CACNA1A: variants seen among roughly 807,000 people sequenced by gnomAD.
The protein encoded by CACNA1A is calcium voltage-gated channel subunit alpha1 A, also known as voltage-dependent P/Q-type calcium channel subunit alpha-1A.
Under a neutral mutation model 262.4 loss-of-function variants are expected in CACNA1A, and 57 were observed. That is an observed-to-expected ratio of 0.22 (90% confidence interval 0.18 to 0.27). CACNA1A has a LOEUF of 0.27. CACNA1A is among the 10% of genes least tolerant of loss of function. The pLI, the probability that CACNA1A is intolerant of heterozygous loss-of-function variation, is 1.00. For missense variants in CACNA1A, 2,526 were observed against 3,562.8 expected (o/e 0.71, Z 7.41); for synonymous variants, 1,431 against 1,419.3 (o/e 1.01, Z -0.18).
chr19:13,317,081 G>A (rs776130733), intron 11 of CACNA1A, 31 bp downstream of exon 11: 7 of 1,464,372 alleles, frequency 4.8e-6, no homozygotes, highest in South Asian at 3.5e-5. Context: ...GGATCAGGGA[G>A]TTGGCAGGGG....
At chr19:13,380,661 A>AT (rs1465929941) in intron 3 of CACNA1A, among the ~76,000 whole-genome samples, 1 of 151,042 alleles carries the variant, frequency 6.6e-6, no homozygotes, top group Non-Finnish European at 1.5e-5. Flanking sequence ...AAAAAAAAAA[A>AT]AAAAAAAAAA....
chr19:13,452,798 T>C, intron 3 of CACNA1A, 78 bp downstream of exon 3: 3 of 1,412,016 alleles, frequency 2.1e-6, no homozygotes, highest in Non-Finnish European at 2.9e-6. Flanking sequence ...TTCCTGAGCC[T>C]GGCCCGGACC....
chr19:13,380,315 C>T (rs1390591174), intron 3 of CACNA1A, among the ~76,000 whole-genome samples: 5 of 126,530 alleles, frequency 4.0e-5, no homozygotes, highest in Non-Finnish European at 8.3e-5. Flanking sequence ...AGTGTTTAGA[C>T]CAGCACTGCC....
chr19:13,298,990 C>A lies in CACNA1A; in HGVS notation c.2643G>T (p.Arg881Ser). The A allele has an allele frequency of 6.3e-7, 1 of 1,579,814 alleles. No homozygotes were observed. The highest frequency in any genetic ancestry group is 8.5e-7 in the Non-Finnish European group (1 of 1,170,518). Reference protein sequence around the residue: ...PSGSAGLDARRPWAGSQEAEL... With the variant: ...PSGSAGLDARSPWAGSQEAEL... ...CGGCCTCCTGGCTTCCCGCCCAGGG[C>A]CTCCGTGCGTCCAGGCCCGCCGAGC... Residue 881 changes from arginine to serine, a missense_variant, in exon 19 of 47, where the codon AGG becomes AGT. Coordinates refer to ENST00000360228, the MANE Select transcript of CACNA1A (RefSeq NM_001127222.2).
At chr19:13,327,480 T>C (rs2058383549) in intron 10 of CACNA1A, among the ~76,000 whole-genome samples, 1 of 146,690 alleles carries the variant, frequency 6.8e-6, no homozygotes, top group African/African-American at 2.5e-5. Flanking sequence ...ATGGCACCAT[T>C]GCTCTCCAGC....
At chr19:13,380,923 G>A (rs2059513830) in intron 3 of CACNA1A, among the ~76,000 whole-genome samples, 1 of 151,876 alleles carries the variant, frequency 6.6e-6, no homozygotes, top group Non-Finnish European at 1.5e-5. Context: ...ACAGGTGGGA[G>A]CCACCAAGCC....
At chr19:13,268,480 C>T (rs2056922805) in intron 24 of CACNA1A, among the ~76,000 whole-genome samples, 2 of 149,626 alleles carry the variant, frequency 1.3e-5, no homozygotes, top group Admixed American at 1.3e-4. Context: ...GTCGCCCAGG[C>T]TGGAGTGCAG....
In CACNA1A at chr19:13,413,895, A is replaced by AAAGAAAAGAAAAGAAAAGAAAG. The variant is rs2060168175; in HGVS notation, c.539+38980_539+38981insCTTTCTTTTCTTTTCTTTTCTT. ...GACTCTGTCAAGAAAGAAAGAAAGA[A>AAAGAAAAGAAAAGAAAAGAAAG]AAAGAAAGAAAGAAAGAAAGAAAGA... On this transcript the variant is annotated intron_variant, in intron 3 of 46. Coordinates refer to ENST00000360228, the MANE Select transcript of CACNA1A (RefSeq NM_001127222.2). 1.5e-3 allele frequency among the ~76,000 whole-genome samples: 179 copies of AAAGAAAAGAAAAGAAAAGAAAG among 119,202 alleles called. 6 individuals are homozygous for AAAGAAAAGAAAAGAAAAGAAAG. Among genetic ancestry groups the AAAGAAAAGAAAAGAAAAGAAAG allele is most frequent in the African/African-American group, 6.7e-3 (165 of 24,628 alleles). 78.2% of individuals were successfully genotyped at this position (119,202 alleles called of 152,430 possible).
At chr19:13,450,139 C>CAAAAAAA (rs367559329) in intron 3 of CACNA1A, among the ~76,000 whole-genome samples, 2 of 52,212 alleles carry the variant, frequency 3.8e-5, no homozygotes, top group African/African-American at 6.3e-5. Context: ...AGACTCTTGT[C>CAAAAAAA]AAAAAAAAAA....
At chr19:13,393,817 T>TCCCTC (rs777434436) in intron 3 of CACNA1A, among the ~76,000 whole-genome samples, 1 of 95,318 alleles carries the variant, frequency 1.0e-5, no homozygotes, top group Non-Finnish European at 2.1e-5. Flanking sequence ...TTCCTCTCTC[T>TCCCTC]CTCTCTCTCT....
Position 13,359,690 on chromosome 19 carries a change from G to A in CACNA1A, c.894C>T (p.Ile298=), listed in dbSNP as rs1453767657. Reference sequence around the variant, plus strand: ...CAAACAGGATGTTGTCGAACTGAGTGATCCCGTTGTTGGGCCCTTCCCAGT... The same window carrying A: ...CAAACAGGATGTTGTCGAACTGAGTAATCCCGTTGTTGGGCCCTTCCCAGT... ...QPYWEGPNNG[I]TQFDNILFAV... The change falls in exon 6 of 47, where the codon ATC becomes ATT. Residue 298 remains isoleucine, a synonymous_variant. Transcript: ENST00000360228. The A allele has an allele frequency of 6.2e-7, 1 of 1,604,232 alleles. No homozygotes were observed.
rs571407786 is a variant in CACNA1A at position 13,479,075 on chromosome 19, G to C, written c.294-23863C>G. Among the ~76,000 whole-genome samples the C allele has an allele frequency of 1.2e-4, 18 of 152,324 alleles. No individual in the cohort carries two copies. In the Middle Eastern group the frequency reaches 0.01, roughly 86 times the overall value. ...TGTAATCCCAGCTACTCAGGAGGCT[G>C]AGGCAGGAGACTCACTTGAATCCGG... On this transcript the variant is annotated intron_variant, in intron 1 of 46. Transcript: ENST00000360228.
intron 3 of CACNA1A, among the ~76,000 whole-genome samples, chr19:13,427,401 G>A (rs564332061): frequency 4.1e-4 from 62 of 151,938 alleles, no homozygotes; most frequent in Non-Finnish European, 3.8e-4. Context: ...GCAGTGAGCC[G>A]AGATCATGCC....
rs190340621 is a variant in CACNA1A at position 13,488,187 on chromosome 19, G to A, written c.293+17745C>T. 1.7e-4 allele frequency among the ~76,000 whole-genome samples: 26 copies of A among 152,140 alleles called. No homozygotes were observed. In the East Asian group the frequency reaches 5.0e-3, roughly 29 times the overall value. On this transcript the variant is annotated intron_variant, in intron 1 of 46. Coordinates refer to ENST00000360228, the MANE Select transcript of CACNA1A (RefSeq NM_001127222.2). ...GAAGGGAGCTTGTGGTTCAGAGAGG[G>A]TAAGTGGCTTGCCCAAGGTCACACA...
At chr19:13,350,166 A>G (rs1226550563) in intron 6 of CACNA1A, among the ~76,000 whole-genome samples, 2 of 152,316 alleles carry the variant, frequency 1.3e-5, no homozygotes, top group Non-Finnish European at 2.9e-5. Context: ...CTTGAGGCCC[A>G]GCCAGTACCC....
intron 1 of CACNA1A, among the ~76,000 whole-genome samples, chr19:13,458,015 C>T (rs1353892555): frequency 6.6e-6 from 1 of 152,088 alleles, no homozygotes; most frequent in East Asian, 1.9e-4. Flanking sequence ...AGACAGACAG[C>T]AGATTTGTTG....
chr19:13,283,451 C>A (rs2057334481), intron 21 of CACNA1A, 55 bp from the exon 22 acceptor site: 1 of 1,608,052 alleles, frequency 6.2e-7, no homozygotes, highest in Non-Finnish European at 8.5e-7. Context: ...GCTCACAAAC[C>A]CTTTTCTTCC....
Position 13,212,518 on chromosome 19 carries a change from C to T in CACNA1A, c.6055G>A (p.Ala2019Thr). The T allele has an allele frequency of 6.4e-7, 1 of 1,570,510 alleles. No individual in the cohort carries two copies. The highest frequency in any genetic ancestry group is 1.4e-5 in the African/African-American group (1 of 74,066). Reference sequence around the variant, plus strand: ...CTCTCCTTGAGGCCGCTTTCGTGAGCCATCCTGCATGGGGGACAGAGGCCG... The same window carrying T: ...CTCTCCTTGAGGCCGCTTTCGTGAGTCATCCTGCATGGGGGACAGAGGCCG... ...TQLDPGGALM[A>T]HESGLKESPS... Residue 2019 changes from alanine (A) to threonine (T), a missense_variant, in exon 42 of 47, where the codon GCT becomes ACT. Ala to Thr is a moderately conservative substitution (Grantham distance 58). This residue lies in a region of CACNA1A where 929 missense variants were observed against 868.1 expected (regional missense o/e 1.07). Transcript: ENST00000360228. This position sits in a 1 kb window ranked among gnomAD's most constrained non-coding sequence, Gnocchi z 5.6.
Position 13,443,869 on chromosome 19 carries a change from C to A in CACNA1A, c.539+9007G>T, listed in dbSNP as rs568024752. Among the ~76,000 whole-genome samples, 6 of 152,286 alleles carry A rather than the reference C, an allele frequency of 3.9e-5. No individual in the cohort carries two copies. The East Asian group carries it at 1.2e-3, about 29-fold the overall frequency. On this transcript the variant is annotated intron_variant, in intron 3 of 46. Transcript: ENST00000360228. ...ACCAGCTGTGTGACTCCCTTGTGAGCAGCTTAACCTCTCTGAGCCTCAGAT... is the reference window on the plus strand; with the variant it reads ...ACCAGCTGTGTGACTCCCTTGTGAGAAGCTTAACCTCTCTGAGCCTCAGAT...
Sources: allele counts gnomAD v4.1 joint callset (sites outside exome capture counted in the v4.1 genomes callset), GRCh38; gene constraint gnomAD v4.1.1; regional missense constraint gnomAD v4.1.1; non-coding constraint Gnocchi (gnomAD v3.1); transcripts MANE v1.5; gene names NCBI Gene and HGNC (gene_info 2026-07-23, HGNC 2026-07-21).